Variants in IQCH observed in about 807,000 individuals in gnomAD.
IQCH encodes the protein IQ motif containing H.
IQCH carries 98 observed loss-of-function variants against 117.0 expected under a neutral mutation model. The ratio of observed to expected loss-of-function variants is 0.84; its 90% CI spans 0.71 to 0.99. The LOEUF (loss-of-function observed/expected upper bound fraction) is 0.99. Ranked by LOEUF, IQCH falls within the 50% of genes least tolerant of loss-of-function variation. IQCH has a pLI of 0.00. For missense variants in IQCH, 1,102 were observed against 1,243.8 expected (o/e 0.89, Z 1.72); for synonymous variants, 412 against 448.2 (o/e 0.92, Z 1.02).
chr15:67,373,199 T>G (rs1970613953), intron 9 of IQCH, among the ~76,000 whole-genome samples, 168 bp from the exon 10 acceptor site: 1 of 152,224 alleles, frequency 6.6e-6, no homozygotes, highest in African/African-American at 2.4e-5. Flanking sequence ...AGTAGCATCA[T>G]GTAGCCACCT....
rs564589129 is a variant in IQCH, at chr15:67,422,034, G to A, written c.2505+457G>A. 1.6e-4 allele frequency among the ~76,000 whole-genome samples: 24 copies of A among 151,922 alleles called. No individual in the cohort carries two copies. The highest frequency in any genetic ancestry group is 3.2e-4 in the Non-Finnish European group (22 of 67,998). On this transcript the variant is annotated intron_variant, in intron 16 of 20. Transcript: ENST00000335894. This position sits in a 1 kb window ranked among gnomAD's most constrained non-coding sequence, Gnocchi z 4.7. ...GAATCACTTGAACCCGGGAGGCAGAGGTTGCAATGAGCCGAGATCATGCTA... is the reference window on the plus strand; with the variant it reads ...GAATCACTTGAACCCGGGAGGCAGAAGTTGCAATGAGCCGAGATCATGCTA...
At chr15:67,286,950 T>C (rs768457379) in intron 4 of IQCH, among the ~76,000 whole-genome samples, 1 of 152,192 alleles carries the variant, frequency 6.6e-6, no homozygotes, top group Non-Finnish European at 1.5e-5. Context: ...ATGTTCCTTC[T>C]ATACCCAGTT....
At chr15:67,261,103 A>AT (rs1231231624) in intron 1 of IQCH, among the ~76,000 whole-genome samples, 169 bp from the exon 2 acceptor site, 1 of 151,854 alleles carries the variant, frequency 6.6e-6, no homozygotes, top group Non-Finnish European at 1.5e-5. Flanking sequence ...CAAAAAAAAA[A>AT]AAAAAAGAAT....
chr15:67,371,343 T>C, intron 8 of IQCH: 1 of 550,676 alleles, frequency 1.8e-6, no homozygotes, highest in Non-Finnish European at 2.8e-6. Context: ...TTACCAATTA[T>C]AAATAAAAGT....
At chr15:67,460,406 ATCCTCC>A (rs1314693775) in intron 16 of IQCH, among the ~76,000 whole-genome samples, 1 of 152,170 alleles carries the variant, frequency 6.6e-6, no homozygotes, top group African/African-American at 2.4e-5. Context: ...GTAACTTTCT[ATCCTCC>A]TTTTGCTGTT....
In IQCH at chr15:67,436,313, A is replaced by C. The variant is rs1422211941; in HGVS notation, c.2505+14736A>C. On this transcript the variant is annotated intron_variant, in intron 16 of 20. Transcript: ENST00000335894. The surrounding 1 kb of genome is among the most constrained non-coding windows in gnomAD (Gnocchi z 5.1). ...ACACACCCCCGCACTGGAGAAGCTG[A>C]AGGTCTGTTTGCTGGAGAAGTTTCT... is the stretch of plus-strand genomic sequence containing the variant. Among the ~76,000 whole-genome samples the C allele has an allele frequency of 1.1e-4, 16 of 152,170 alleles. No homozygotes were observed. Among genetic ancestry groups the C allele is most frequent in the Admixed American group, 1.0e-3 (16 of 15,278 alleles).
At chr15:67,338,751 T>C (rs888818665) in intron 5 of IQCH, among the ~76,000 whole-genome samples, 1 of 152,072 alleles carries the variant, frequency 6.6e-6, no homozygotes, top group Non-Finnish European at 1.5e-5. Context: ...CAAATTTCAG[T>C]TTGGCTCTGT....
Position 67,475,721 on chromosome 15 carries a change from T to C in IQCH, c.2702T>C (p.Val901Ala). The change falls in exon 18 of 21, where the codon GTG becomes GCG. Residue 901 changes from valine (V) to alanine (A), a missense_variant. Val to Ala is a moderately conservative substitution (Grantham distance 64). Coordinates refer to ENST00000335894, the MANE Select transcript of IQCH (RefSeq NM_001031715.3). This position sits in a 1 kb window ranked among gnomAD's most constrained non-coding sequence, Gnocchi z 5.7. ...ATGCTGGCAACCAGTCGCTATGCAGTGATGACCACCCAGCTAAGACACAGC... is the reference window on the plus strand; with the variant it reads ...ATGCTGGCAACCAGTCGCTATGCAGCGATGACCACCCAGCTAAGACACAGC... ...MPMLATSRYA[V>A]MTTQLRHSNL... 6.2e-7 allele frequency: 1 copy of C among 1,614,088 alleles called. No homozygotes were observed. Among genetic ancestry groups the C allele is most frequent in the Non-Finnish European group, 8.5e-7 (1 of 1,179,922 alleles).
intron 1 of IQCH, among the ~76,000 whole-genome samples, chr15:67,256,037 C>A (rs1304154475): frequency 6.6e-6 from 1 of 152,174 alleles, no homozygotes; most frequent in Non-Finnish European, 1.5e-5. Flanking sequence ...CACTTCAGAC[C>A]AGCTGGGTAC....
intron 3 of IQCH, among the ~76,000 whole-genome samples, chr15:67,278,024 C>T (rs1044109935): frequency 6.6e-6 from 1 of 152,104 alleles, no homozygotes; most frequent in African/African-American, 2.4e-5. Flanking sequence ...AGGTGTCAGT[C>T]TTTTGGTGGG....
Position 67,465,195 on chromosome 15 carries a change from G to T in IQCH, c.2574G>T (p.Leu858=). The T allele has an allele frequency of 6.2e-7, 1 of 1,614,124 alleles. No homozygotes were observed. The change falls in exon 17 of 21, where the codon CTG becomes CTT. Residue 858 remains leucine, a synonymous_variant. Transcript: ENST00000335894. This position sits in a 1 kb window ranked among gnomAD's most constrained non-coding sequence, Gnocchi z 5.9. ...CCCTGACTCAACTCACCTTATACCT[G>T]ACAAACGGCCATCTGGATTGCAGTT... is the stretch of plus-strand genomic sequence containing the variant. ...QLALTQLTLY[L]TNGHLDCSLS... is the part of the protein sequence containing the mutation.
At chr15:67,276,470 T>C (rs1202919930) in intron 3 of IQCH, among the ~76,000 whole-genome samples, 3 of 152,228 alleles carry the variant, frequency 2.0e-5, no homozygotes, top group African/African-American at 7.2e-5. Flanking sequence ...AGCAAACATA[T>C]ATAATTTTCC....
At position 67,408,946 on chromosome 15, in the gene IQCH, A is replaced by G. The variant is rs2081373814; in HGVS notation, c.2098-7985A>G. ...CTTGATATCACTCTTATATTTTAAT[A>G]TAATTTCCTTAAAACCATTTTCCAA... is the stretch of plus-strand genomic sequence containing the variant. On this transcript the variant is annotated intron_variant, in intron 14 of 20. Coordinates refer to ENST00000335894, the MANE Select transcript of IQCH (RefSeq NM_001031715.3). The surrounding 1 kb of genome is among the most constrained non-coding windows in gnomAD (Gnocchi z 4.2). Among the ~76,000 whole-genome samples the G allele has an allele frequency of 6.6e-6, 1 of 152,226 alleles. No homozygotes were observed. The highest frequency in any genetic ancestry group is 6.5e-5 in the Admixed American group (1 of 15,276).
intron 16 of IQCH, among the ~76,000 whole-genome samples, chr15:67,451,942 CTCT>C (rs1351157394): frequency 4.6e-5 from 7 of 152,164 alleles, no homozygotes; most frequent in South Asian, 2.1e-4. Context: ...GGATAGTTAG[CTCT>C]TCTTGTTGAA....
At chr15:67,377,444 A>G (rs145215260) in intron 10 of IQCH, among the ~76,000 whole-genome samples, 2 of 152,312 alleles carry the variant, frequency 1.3e-5, no homozygotes, top group Admixed American at 6.5e-5. Flanking sequence ...AGCAAAATCT[A>G]TCAATCAAAT....
At chr15:67,410,059 T>C (rs1164809605) in intron 14 of IQCH, among the ~76,000 whole-genome samples, 1 of 152,230 alleles carries the variant, frequency 6.6e-6, no homozygotes, top group Non-Finnish European at 1.5e-5. Flanking sequence ...TGGAAAGGAA[T>C]GAGTGGAAAC....
intron 4 of IQCH, among the ~76,000 whole-genome samples, chr15:67,319,362 C>T (rs1968006183): frequency 1.3e-5 from 2 of 152,304 alleles, no homozygotes; most frequent in East Asian, 3.9e-4. Context: ...AGGTGATATT[C>T]TTGGGGCAAA....
intron 6 of IQCH, among the ~76,000 whole-genome samples, chr15:67,352,715 A>G (rs1340913397): frequency 6.6e-6 from 1 of 152,004 alleles, no homozygotes; most frequent in African/African-American, 2.4e-5. Flanking sequence ...TCTAGTTGAA[A>G]TAAGTTCTTT....
intron 1 of IQCH, among the ~76,000 whole-genome samples, chr15:67,256,246 A>G (rs894020240): frequency 5.9e-5 from 9 of 152,208 alleles, no homozygotes; most frequent in African/African-American, 2.2e-4. Context: ...ATCCCTGTGG[A>G]GTCATTGACG....
Sources: gnomAD v4.1 joint callset for allele counts (sites outside exome capture counted in the v4.1 genomes callset) on GRCh38, gnomAD v4.1.1 for gene constraint, Gnocchi (gnomAD v3.1) non-coding constraint, MANE v1.5 for transcripts, NCBI Gene and HGNC (gene_info 2026-07-23, HGNC 2026-07-21) for gene names.